The following ZNF555 variants were observed in gnomAD, a reference collection of about 807,000 sequenced individuals.
ZNF555 encodes the protein zinc finger protein 555.
In ZNF555, 10 loss-of-function variants were observed where a neutral mutation model predicts 14.0. The ratio of observed to expected loss-of-function variants is 0.72; its 90% CI spans 0.44 to 1.21. The LOEUF (loss-of-function observed/expected upper bound fraction) is 1.21. Among genes scored for constraint, ZNF555 ranks in the 50% most tolerant of loss-of-function variants. The pLI is 0.00. For missense variants in ZNF555, 747 were observed against 762.0 expected (o/e 0.98, Z 0.23); for synonymous variants, 277 against 262.4 (o/e 1.06, Z -0.54).
Position 2,853,706 on chromosome 19 carries a change from G to T in ZNF555, c.1641G>T (p.Trp547Cys), listed in dbSNP as rs763676811. ...ECKECGKVFK[W>C]PSSLPIHMRL... ...AGGAATGTGGGAAGGTCTTCAAATG[G>T]CCATCATCTTTACCAATACATATGA... is the stretch of plus-strand genomic sequence containing the variant. The change falls in exon 4 of 4, where the codon TGG becomes TGT. Residue 547 changes from tryptophan (W) to cysteine (C), a missense_variant. Transcript: ENST00000334241. 6.3e-7 allele frequency: 1 copy of T among 1,576,722 alleles called. No individual in the cohort carries two copies. Among genetic ancestry groups the T allele is most frequent in the Non-Finnish European group, 8.6e-7 (1 of 1,162,920 alleles).
Position 2,841,588 on chromosome 19 carries a change from C to T in ZNF555, c.3+13C>T. ...GCCCCGGGACATGGTGAGTGTGGCG[C>T]AGGAGAGGATCCCGGTGCGGGGCAG... On this transcript the variant is annotated intron_variant, in intron 1 of 3. Transcript: ENST00000334241. 6.5e-7 allele frequency: 1 copy of T among 1,528,342 alleles called. No homozygotes were observed. Among genetic ancestry groups the T allele is most frequent in the East Asian group, 2.7e-5 (1 of 37,500 alleles). 94.7% of individuals were successfully genotyped at this position (1,528,342 alleles called of 1,614,324 possible).
At chr19:2,848,190 C>T (rs571644701) in intron 1 of ZNF555, among the ~76,000 whole-genome samples, 8 of 150,106 alleles carry the variant, frequency 5.3e-5, no homozygotes, top group East Asian at 2.0e-4. Context: ...CTGGCTCTGT[C>T]GCCCAGGCTG....
In ZNF555 at chr19:2,855,605, T is replaced by C. The variant is rs1480466067; in HGVS notation, c.*1653T>C. Reference sequence around the variant, plus strand: ...TTACTGTGCTTTCAAATTAGTTGTTTAGAGACTATATTAATTTCCCAGGGC... The same window carrying C: ...TTACTGTGCTTTCAAATTAGTTGTTCAGAGACTATATTAATTTCCCAGGGC... On this transcript the variant is annotated 3_prime_UTR_variant, in exon 4 of 4. Coordinates refer to ENST00000334241, the MANE Select transcript of ZNF555 (RefSeq NM_152791.5). 6.6e-6 allele frequency: 1 copy of C among 152,162 alleles called. No homozygotes were observed. The highest frequency in any genetic ancestry group is 1.5e-5 in the Non-Finnish European group (1 of 68,022). 9.4% of individuals were successfully genotyped at this position (152,162 alleles called of 1,614,324 possible).
intron 3 of ZNF555, 139 bp downstream of exon 3, chr19:2,851,790 A>G (rs2087632589): frequency 5.3e-6 from 4 of 758,330 alleles, no homozygotes; most frequent in East Asian, 3.0e-5. Context: ...TTACAAAAAA[A>G]TATTTCTTTA....
At chr19:2,842,928 A>G (rs1256754970) in intron 1 of ZNF555, among the ~76,000 whole-genome samples, 1 of 152,038 alleles carries the variant, frequency 6.6e-6, no homozygotes, top group Admixed American at 6.6e-5. Context: ...CTGTAGTCCC[A>G]GCTACTCGGG....
intron 1 of ZNF555, among the ~76,000 whole-genome samples, chr19:2,845,416 G>T (rs1276526819): frequency 6.6e-6 from 1 of 152,220 alleles, no homozygotes; most frequent in Non-Finnish European, 1.5e-5. Context: ...TGCTGCTGCA[G>T]TGAACACACA....
chr19:2,847,953 A>T (rs1043470735), intron 1 of ZNF555, among the ~76,000 whole-genome samples: 27 of 152,274 alleles, frequency 1.8e-4, no homozygotes, highest in East Asian at 3.9e-4. Flanking sequence ...AACAGGTTTT[A>T]AAAAAGCACG....
Position 2,855,815 on chromosome 19 carries a change from C to CT in ZNF555, c.*1864dup, listed in dbSNP as rs1410149027. The CT allele has an allele frequency of 6.6e-6, 1 of 152,100 alleles. No homozygotes were observed. Among genetic ancestry groups the CT allele is most frequent in the Non-Finnish European group, 1.5e-5 (1 of 68,036 alleles). 9.4% of individuals were successfully genotyped at this position (152,100 alleles called of 1,614,324 possible). ...TTCCTTAGCTTGTGGCAGCATAACTCTAATTTTCACATGGCATTCTCCCTG... is the reference window on the plus strand; with the variant it reads ...TTCCTTAGCTTGTGGCAGCATAACTCTTAATTTTCACATGGCATTCTCCCTG... On this transcript the variant is annotated 3_prime_UTR_variant, in exon 4 of 4. Transcript: ENST00000334241.
In ZNF555 at chr19:2,843,125, C is replaced by T. The variant is rs148886298; in HGVS notation, c.3+1550C>T. Among the ~76,000 whole-genome samples, 883 of 151,350 alleles carry T rather than the reference C, an allele frequency of 5.8e-3. 10 individuals carry two copies. The highest frequency in any genetic ancestry group is 0.02 in the African/African-American group (835 of 41,378). ...TCTTACATTCCATTTGTTAAACATT[C>T]CCTGGAGTGTGTGTCGTTTCTCAGA... On this transcript the variant is annotated intron_variant, in intron 1 of 3. Coordinates refer to ENST00000334241, the MANE Select transcript of ZNF555 (RefSeq NM_152791.5).
Position 2,852,566 on chromosome 19 carries a change from T to A in ZNF555, c.501T>A (p.Thr167=). 2 of 1,614,146 alleles carry A rather than the reference T, an allele frequency of 1.2e-6. No homozygotes were observed. Among genetic ancestry groups the A allele is most frequent in the South Asian group, 2.2e-5 (2 of 91,086 alleles). Residue 167 remains threonine, a synonymous_variant, in exon 4 of 4, where the codon ACT becomes ACA. Transcript: ENST00000334241. ...TSLKSPITVH[T]GHKPYQCQEC... ...TCAAGAGTCCCATCACAGTTCACACTGGACACAAACCATATCAGTGCCAGG... is the reference window on the plus strand; with the variant it reads ...TCAAGAGTCCCATCACAGTTCACACAGGACACAAACCATATCAGTGCCAGG...
intron 1 of ZNF555, among the ~76,000 whole-genome samples, chr19:2,846,957 G>C (rs2087586962): frequency 6.6e-6 from 1 of 152,072 alleles, no homozygotes; most frequent in Non-Finnish European, 1.5e-5. Context: ...CTTTTCATTT[G>C]TTTCCCTTTT....
In ZNF555 at chr19:2,849,610, A is replaced by G. The variant is rs183479363; in HGVS notation, c.4-977A>G. ...AGCAATTTTCGTGCCTCAGCCTCCC[A>G]AGTAGCTGGGACTACAGGCGTGCAC... On this transcript the variant is annotated intron_variant, in intron 1 of 3. Coordinates refer to ENST00000334241, the MANE Select transcript of ZNF555 (RefSeq NM_152791.5). 2.8e-3 allele frequency among the ~76,000 whole-genome samples: 425 copies of G among 150,848 alleles called. 1 individual carries two copies. Among genetic ancestry groups the G allele is most frequent in the African/African-American group, 9.6e-3 (392 of 41,018 alleles).
chr19:2,852,802 A>G lies in ZNF555; in HGVS notation c.737A>G (p.His246Arg). 6.2e-7 allele frequency: 1 copy of G among 1,614,234 alleles called. No individual in the cohort carries two copies. Among genetic ancestry groups the G allele is most frequent in the East Asian group, 2.2e-5 (1 of 44,892 alleles). ...ATTGACTTCTCAAGTCTTACTAGTC[A>G]TCTCAGAAGTCACACCGGAGAGAAG... ...AFIDFSSLTS[H>R]LRSHTGEKPY... The change falls in exon 4 of 4, where the codon CAT (histidine) becomes CGT (arginine). Residue 246 changes from histidine to arginine, a missense_variant. His to Arg is a conservative substitution (Grantham distance 29). Transcript: ENST00000334241.
In ZNF555 at chr19:2,852,438, AG is replaced by A. The variant is rs1360816634; in HGVS notation, c.374del (p.Ser125ThrfsTer16). ...TAATGATCAATGTGGAGAAGCCCTC[AG>A]CCAGATTCCACATCTTAATCTGTAC... is the stretch of plus-strand genomic sequence containing the variant. The part of the protein sequence containing the change: ...ESNDQCGEAL[S>X]QIPHLNLYKK... On this transcript the variant is annotated frameshift_variant, in exon 4 of 4. Coordinates refer to ENST00000334241, the MANE Select transcript of ZNF555 (RefSeq NM_152791.5). LOFTEE classifies it low-confidence loss of function (END_TRUNC). 1 of 1,614,216 alleles carries A rather than the reference AG, an allele frequency of 6.2e-7. No homozygotes were observed. The highest frequency in any genetic ancestry group is 8.5e-7 in the Non-Finnish European group (1 of 1,180,032).
In ZNF555 at chr19:2,859,354, A is replaced by C. The variant is rs1459755725; in HGVS notation, c.*5402A>C. 1 of 152,194 alleles carries C rather than the reference A, an allele frequency of 6.6e-6. No individual in the cohort carries two copies. The highest frequency in any genetic ancestry group is 2.4e-5 in the African/African-American group (1 of 41,428). The allele number at this position is 152,194 out of a possible 1,614,324, so 9.4% of individuals were successfully genotyped here. ...CGGATATCGCGTGGCTGTGGCAGGT[A>C]GACAGCCCGTGCTCCAGAGGCCTTC... On this transcript the variant is annotated 3_prime_UTR_variant, in exon 4 of 4. Transcript: ENST00000334241.
At chr19:2,846,867 G>A (rs959231722) in intron 1 of ZNF555, among the ~76,000 whole-genome samples, 2 of 152,092 alleles carry the variant, frequency 1.3e-5, no homozygotes, top group African/African-American at 4.8e-5. Context: ...TCAGAAATAG[G>A]TTTTCATAAG....
chr19:2,852,708 C>G lies in ZNF555; in HGVS notation c.643C>G (p.Leu215Val), dbSNP rs375642797. 1 of 1,614,052 alleles carries G rather than the reference C, an allele frequency of 6.2e-7. No individual in the cohort carries two copies. The highest frequency in any genetic ancestry group is 1.3e-5 in the African/African-American group (1 of 74,932). ...GAAAACCTTTCCTCGTACTTCCTCCCTCAATCGGCATGTAAGGATTCACAC... is the reference window on the plus strand; with the variant it reads ...GAAAACCTTTCCTCGTACTTCCTCCGTCAATCGGCATGTAAGGATTCACAC... ...CGKTFPRTSS[L>V]NRHVRIHTAE... Residue 215 changes from leucine to valine, a missense_variant, in exon 4 of 4, where the codon CTC (leucine) becomes GTC (valine). Physicochemically the swap from Leu to Val is conservative, Grantham distance 32. Coordinates refer to ENST00000334241, the MANE Select transcript of ZNF555 (RefSeq NM_152791.5).
In ZNF555 at chr19:2,852,775, T is replaced by C; in HGVS notation, c.710T>C (p.Phe237Ser). The C allele has an allele frequency of 6.2e-7, 1 of 1,614,174 alleles. No individual in the cohort carries two copies. The highest frequency in any genetic ancestry group is 8.5e-7 in the Non-Finnish European group (1 of 1,180,026). ...GAATGTAAGCAATGTGGGAAAGCCT[T>C]TATTGACTTCTCAAGTCTTACTAGT... ...TYECKQCGKAFIDFSSLTSHL... is the reference protein window; with the variant it reads ...TYECKQCGKASIDFSSLTSHL... Residue 237 changes from phenylalanine to serine, a missense_variant, in exon 4 of 4, where the codon TTT becomes TCT. By Grantham distance (155) the Phe-to-Ser change is radical (BLOSUM62 -2). Transcript: ENST00000334241.
chr19:2,850,546 G>T (rs374937615), intron 1 of ZNF555, 41 bp from the exon 2 acceptor site: 2 of 1,603,778 alleles, frequency 1.2e-6, no homozygotes, highest in Non-Finnish European at 1.7e-6. Context: ...CTGGGCTCTC[G>T]GTCTCAACCA....
Sources: allele counts gnomAD v4.1 joint callset (sites outside exome capture counted in the v4.1 genomes callset), GRCh38; gene constraint gnomAD v4.1.1; transcripts MANE v1.5; gene names NCBI Gene and HGNC (gene_info 2026-07-23, HGNC 2026-07-21).